The following RP1 variants were observed in gnomAD, a reference collection of about 807,000 sequenced individuals.
RP1 encodes the protein oxygen-regulated protein 1.
A neutral mutation model predicts 14.8 loss-of-function variants in RP1; 16 were observed. The observed-to-expected ratio is 1.08, with a 90% confidence interval of 0.73 to 1.65. RP1 has a LOEUF of 1.65. RP1 is among the 40% of genes most tolerant of loss of function. The pLI, the probability that RP1 is intolerant of heterozygous loss-of-function variation, is 0.00. For missense variants in RP1, 2,631 were observed against 2,535.0 expected (o/e 1.04, Z -0.81); for synonymous variants, 876 against 883.6 (o/e 0.99, Z 0.15).
intron 1 of RP1, among the ~76,000 whole-genome samples, chr8:54,562,988 C>G (rs749328393): frequency 1.3e-5 from 2 of 152,028 alleles, no homozygotes; most frequent in African/African-American, 4.8e-5. Flanking sequence ...TTACTGAGGC[C>G]CCTGGTAGGC....
chr8:54,768,223 C>G (rs759380005), intron 22 of RP1, among the ~76,000 whole-genome samples: 2 of 152,204 alleles, frequency 1.3e-5, no homozygotes, highest in Non-Finnish European at 2.9e-5. Context: ...TATTGTCCAA[C>G]CTTCAGCTCA....
chr8:54,660,472 A>G lies in RP1; in HGVS notation c.1172-3227A>G, dbSNP rs564724493. 3.3e-5 allele frequency among the ~76,000 whole-genome samples: 5 copies of G among 152,288 alleles called. No individual in the cohort carries two copies. The East Asian group carries it at 7.7e-4, about 24-fold the overall frequency. On this transcript the variant is annotated intron_variant, in intron 6 of 22. Transcript: ENST00000636932. ...TTTCATTCTGTTAATGTGGCATGTT[A>G]CATTGATTGATTTTCATATGTGGAA...
At chr8:54,618,737 C>T (rs1167020094) in intron 1 of RP1, among the ~76,000 whole-genome samples, 4 of 152,142 alleles carry the variant, frequency 2.6e-5, no homozygotes, top group African/African-American at 9.7e-5. Context: ...CTCACTGCAA[C>T]ATCTGCCTCC....
At chr8:54,720,357 G>T in intron 16 of RP1, 1 of 1,417,866 alleles carries the variant, frequency 7.1e-7, no homozygotes, top group Non-Finnish European at 9.3e-7. Flanking sequence ...ATGATGGTTT[G>T]TGTACAGTGT....
intron 12 of RP1, among the ~76,000 whole-genome samples, chr8:54,698,036 C>T (rs1329611040): frequency 6.6e-6 from 1 of 152,114 alleles, no homozygotes; most frequent in Non-Finnish European, 1.5e-5. Flanking sequence ...AAAAAACTGA[C>T]AAATGGGATC....
At chr8:54,749,156 C>G (rs1272305761) in intron 19 of RP1, among the ~76,000 whole-genome samples, 7 of 152,000 alleles carry the variant, frequency 4.6e-5, no homozygotes, top group Admixed American at 3.9e-4. Context: ...TGGTGAAACC[C>G]TGTCTCTACT....
At position 54,701,483 on chromosome 8, in the gene RP1, TAGG is replaced by T; in HGVS notation, c.1822-2_1822del. The T allele has an allele frequency of 6.7e-7, 1 of 1,501,312 alleles. No homozygotes were observed. The highest frequency in any genetic ancestry group is 8.8e-7 in the Non-Finnish European group (1 of 1,136,076). 93.0% of individuals were successfully genotyped at this position (1,501,312 alleles called of 1,614,324 possible). A position where few individuals can be genotyped will look rare whatever the true frequency, so the allele number is the denominator to read the frequency against. ...TAGAGGGTTTTTTTGTTTTTCCTTTTAGGTTAGTGGTGAAGCCACCACTGAGCT... is the reference window on the plus strand; with the variant it reads ...TAGAGGGTTTTTTTGTTTTTCCTTTTTTAGTGGTGAAGCCACCACTGAGCT... On this transcript the variant is annotated splice_acceptor_variant and coding_sequence_variant, in exon 14 of 23. Transcript: ENST00000636932. LOFTEE classifies it high-confidence loss of function.
At chr8:54,684,341 G>A (rs1807506003) in intron 12 of RP1, among the ~76,000 whole-genome samples, 1 of 152,138 alleles carries the variant, frequency 6.6e-6, no homozygotes, top group African/African-American at 2.4e-5. Context: ...GAGTTAGGGA[G>A]GAGTCCCTGC....
intron 3 of RP1, among the ~76,000 whole-genome samples, chr8:54,623,994 C>G (rs1805952178): frequency 6.6e-6 from 1 of 152,152 alleles, no homozygotes; most frequent in Non-Finnish European, 1.5e-5. Flanking sequence ...GCACTTTTTA[C>G]TTTATACATT....
In RP1 at chr8:54,626,187, A is replaced by C. The variant is rs1488237523; in HGVS notation, c.2305A>C (p.Lys769Gln). 2.5e-6 allele frequency: 4 copies of C among 1,610,958 alleles called. No homozygotes were observed. The highest frequency in any genetic ancestry group is 3.4e-6 in the Non-Finnish European group (4 of 1,178,398). Residue 769 changes from lysine to glutamine, a missense_variant, in exon 4 of 4, where the codon AAG becomes CAG. Coordinates refer to ENST00000220676, the MANE Select transcript of RP1 (RefSeq NM_006269.2). ...TAAATTAAATACTACTCAAAATTCCAAGGTTCAAGGACTTTTAACCAAAAG... is the reference window on the plus strand; with the variant it reads ...TAAATTAAATACTACTCAAAATTCCCAGGTTCAAGGACTTTTAACCAAAAG... ...RNKLNTTQNS[K>Q]VQGLLTKRKS...
intron 1 of RP1, among the ~76,000 whole-genome samples, chr8:54,589,478 C>A (rs1051371295): frequency 2.0e-5 from 3 of 152,094 alleles, no homozygotes; most frequent in African/African-American, 7.2e-5. Flanking sequence ...AAAAAGGGCT[C>A]TATTTCAACC....
At chr8:54,638,122 A>G (rs962357130) in intron 3 of RP1, among the ~76,000 whole-genome samples, 2 of 152,148 alleles carry the variant, frequency 1.3e-5, no homozygotes, top group African/African-American at 4.8e-5. Context: ...GCCTCAGTTT[A>G]GGTGGAGAAA....
At chr8:54,814,194 T>C (rs1811079716) in intron 24 of RP1, among the ~76,000 whole-genome samples, 2 of 152,210 alleles carry the variant, frequency 1.3e-5, no homozygotes, top group African/African-American at 4.8e-5. Context: ...TTGGTTAGTT[T>C]TAAGTAAAAA....
rs140297309 is a variant in RP1, at chr8:54,727,076, G to A, written c.2521+600G>A. 2.0e-3 allele frequency among the ~76,000 whole-genome samples: 308 copies of A among 152,076 alleles called. 5 individuals are homozygous for A. The highest frequency in any genetic ancestry group is 6.8e-3 in the Middle Eastern group (2 of 294). On this transcript the variant is annotated intron_variant, in intron 17 of 22. Transcript: ENST00000636932. Reference sequence around the variant, plus strand: ...CTGGGGGACCATTTTTTTAAAACCCGTCTTGGGAGACAGATAAATTATAAT... The same window carrying A: ...CTGGGGGACCATTTTTTTAAAACCCATCTTGGGAGACAGATAAATTATAAT...
In RP1 at chr8:54,627,750, C is replaced by A; in HGVS notation, c.3868C>A (p.Gln1290Lys). The change falls in exon 4 of 4, where the codon CAG becomes AAG. Residue 1290 changes from glutamine (Q) to lysine (K), a missense_variant. By Grantham distance (53) the Gln-to-Lys change is moderately conservative. Coordinates refer to ENST00000220676, the MANE Select transcript of RP1 (RefSeq NM_006269.2). ...FFPSDGYGVD[Q>K]TSMNKACFLG... ...TCCTAGTGATGGTTATGGTGTGGAT[C>A]AGACTTCTATGAATAAGGCTTGTTT... 2 of 1,614,146 alleles carry A rather than the reference C, an allele frequency of 1.2e-6. No homozygotes were observed. Among genetic ancestry groups the A allele is most frequent in the South Asian group, 1.1e-5 (1 of 91,076 alleles).
At position 54,862,421 on chromosome 8, in the gene RP1, C is replaced by T. The variant is rs190843087; in HGVS notation, c.4070-3414C>T. The stretch of plus-strand genomic sequence containing the variant: ...TACCCTGATTTCTAGGAACAGTGAG[C>T]ATTCTTTCTTCTTCTCTTTTTTTAT... On this transcript the variant is annotated intron_variant, in intron 27 of 28. Transcript: ENST00000637698. Among the ~76,000 whole-genome samples, 39 of 152,250 alleles carry T rather than the reference C, an allele frequency of 2.6e-4. No homozygotes were observed. The East Asian group carries it at 6.8e-3, about 26-fold the overall frequency.
At chr8:54,843,668 G>A (rs1811844040) in intron 25 of RP1, among the ~76,000 whole-genome samples, 1 of 152,154 alleles carries the variant, frequency 6.6e-6, no homozygotes, top group African/African-American at 2.4e-5. Context: ...TTAAATCAAA[G>A]GGAAGCTTCA....
At chr8:54,601,539 T>A (rs1383606600) in intron 1 of RP1, among the ~76,000 whole-genome samples, 1 of 150,040 alleles carries the variant, frequency 6.7e-6, no homozygotes, top group East Asian at 2.0e-4. Context: ...AACGTGCACA[T>A]TGTGCACATG....
intron 24 of RP1, among the ~76,000 whole-genome samples, chr8:54,788,271 T>C (rs538919124): frequency 6.6e-6 from 1 of 152,186 alleles, no homozygotes; most frequent in South Asian, 2.1e-4. Context: ...AGCAAGTCAG[T>C]TGAGTATGTA....
Sources: allele counts gnomAD v4.1 joint callset (sites outside exome capture counted in the v4.1 genomes callset), GRCh38; gene constraint gnomAD v4.1.1; transcripts MANE v1.5; gene names NCBI Gene and HGNC (gene_info 2026-07-23, HGNC 2026-07-21).